The following IK variants were observed in gnomAD, a reference collection of about 807,000 sequenced individuals.
IK encodes protein Red.
In IK, 47 loss-of-function variants were observed where a neutral mutation model predicts 90.9. The ratio of observed to expected loss-of-function variants is 0.52; its 90% CI spans 0.41 to 0.66. The LOEUF (loss-of-function observed/expected upper bound fraction) is 0.66, where lower values mean the gene tolerates loss of function less well. Among genes scored for constraint, IK ranks in the 30% least tolerant of loss-of-function variants. IK has a pLI of 0.00. For synonymous variants in IK, 201 were observed against 227.5 expected (o/e 0.88, Z 1.05); for missense variants, 385 against 709.3 (o/e 0.54, Z 5.19).
rs1002228948 is a variant in IK, at chr5:140,661,515, T to G, written c.1414-105T>G. 7.1e-6 allele frequency: 5 copies of G among 701,304 alleles called. No homozygotes were observed. Among genetic ancestry groups the G allele is most frequent in the Non-Finnish European group, 1.2e-5 (5 of 402,958 alleles). The allele number at this position is 701,304 out of a possible 1,614,324, so 43.4% of individuals were successfully genotyped here. ...ACTTATCAGGGTATGATTTATGAAT[T>G]GTGGAACCTGGGATTATGGGAGAGT... On this transcript the variant is annotated intron_variant, in intron 16 of 19. Coordinates refer to ENST00000417647, the MANE Select transcript of IK (RefSeq NM_006083.4). The surrounding 1 kb of genome is among the most constrained non-coding windows in gnomAD (Gnocchi z 4.2).
At chr5:140,648,167 G>T in intron 1 of IK, 1 of 706,856 alleles carries the variant, frequency 1.4e-6, no homozygotes, top group Non-Finnish European at 2.6e-6. Context: ...GCTTTTGTGC[G>T]TGGATCGCTT....
intron 5 of IK, 36 bp from the exon 6 acceptor site, chr5:140,653,902 C>A: frequency 1.5e-6 from 2 of 1,317,142 alleles, no homozygotes; most frequent in Non-Finnish European, 2.2e-6. Context: ...CACGCCTGGA[C>A]AGTACTGTTC....
Position 140,662,462 on chromosome 5 carries a change from A to G in IK, c.*133A>G. The G allele has an allele frequency of 1.0e-6, 1 of 970,408 alleles. No homozygotes were observed. The highest frequency in any genetic ancestry group is 2.5e-5 in the East Asian group (1 of 40,430). 60.1% of individuals were successfully genotyped at this position (970,408 alleles called of 1,614,324 possible). ...TATTGTGTAATTACTTGGTTCCATT[A>G]AAATTGGTTAACTTGCTATTTTCTT... is the stretch of plus-strand genomic sequence containing the variant. On this transcript the variant is annotated 3_prime_UTR_variant, in exon 20 of 20. Transcript: ENST00000417647.
At chr5:140,651,575 CAAAAA>C (rs35439932) in intron 2 of IK, 134 bp from the exon 3 acceptor site, 6 of 459,422 alleles carry the variant, frequency 1.3e-5, no homozygotes, top group Non-Finnish European at 2.3e-5. Flanking sequence ...GACTCCGTCT[CAAAAA>C]AAAAAAAACA....
intron 15 of IK, 53 bp downstream of exon 15, chr5:140,660,248 G>A: frequency 3.2e-6 from 4 of 1,237,382 alleles, no homozygotes; most frequent in Non-Finnish European, 4.6e-6. Context: ...GAAACAAGTT[G>A]GGGGTGAAAT....
intron 2 of IK, among the ~76,000 whole-genome samples, 162 bp from the exon 3 acceptor site, chr5:140,651,552 T>C (rs1466004223): frequency 6.6e-6 from 1 of 150,982 alleles, no homozygotes; most frequent in African/African-American, 2.4e-5. Flanking sequence ...CTGGCCAATA[T>C]GGGTGACAGT....
chr5:140,650,554 G>C (rs1757598189), intron 2 of IK, among the ~76,000 whole-genome samples: 2 of 152,226 alleles, frequency 1.3e-5, no homozygotes, highest in South Asian at 4.2e-4. Context: ...TAAACGCTTA[G>C]TCTGTTTCAG....
intron 9 of IK, among the ~76,000 whole-genome samples, chr5:140,656,703 A>C (rs1757716932): frequency 6.6e-6 from 1 of 152,230 alleles, no homozygotes; most frequent in Non-Finnish European, 1.5e-5. Flanking sequence ...CATATAATGC[A>C]TAATAATCAC....
At chr5:140,649,189 T>TTTTTC (rs1284572270) in intron 2 of IK, among the ~76,000 whole-genome samples, 9 of 141,300 alleles carry the variant, frequency 6.4e-5, no homozygotes, top group Admixed American at 2.9e-4. Context: ...TTTCTTTTTT[T>TTTTTC]TTTTCTTTTC....
chr5:140,653,644 G>C (rs1451705901), intron 5 of IK, among the ~76,000 whole-genome samples: 1 of 104,014 alleles, frequency 9.6e-6, no homozygotes, highest in Non-Finnish European at 1.8e-5. Flanking sequence ...TGCTCTTGTT[G>C]CCCAGGCTGG....
At chr5:140,657,926 A>AT (rs957763944) in intron 10 of IK, among the ~76,000 whole-genome samples, 1 of 152,142 alleles carries the variant, frequency 6.6e-6, no homozygotes, top group African/African-American at 2.4e-5. Context: ...TTTAAAAGAG[A>AT]TTTTTTGGTG....
In IK at chr5:140,655,883, T is replaced by C. The variant is rs779907524; in HGVS notation, c.692T>C (p.Leu231Ser). ...AGCAAAGCATATGAGCGGAATGAGT[T>C]GTTCCTGCCGGGCCGCATGGCCTAT... ...FKSKAYERNE[L>S]FLPGRMAYVV... Residue 231 changes from leucine to serine, a missense_variant, in exon 9 of 20, where the codon TTG (leucine) becomes TCG (serine). Coordinates refer to ENST00000417647, the MANE Select transcript of IK (RefSeq NM_006083.4). 4 of 1,606,366 alleles carry C rather than the reference T, an allele frequency of 2.5e-6. No individual in the cohort carries two copies. The South Asian group carries it at 4.5e-5, about 18-fold the overall frequency.
At chr5:140,649,046 A>G in intron 2 of IK, 1 of 163,162 alleles carries the variant, frequency 6.1e-6, no homozygotes, top group South Asian at 1.3e-4. Context: ...CATGTTGATC[A>G]GGCTGGTCTT....
chr5:140,654,760 TTC>T (rs759805188), intron 8 of IK, 33 bp downstream of exon 8: 6 of 1,378,276 alleles, frequency 4.4e-6, no homozygotes, highest in Non-Finnish European at 6.1e-6. Context: ...TGACTATGCA[TTC>T]TGGATGAATT....
intron 6 of IK, 22 bp downstream of exon 6, chr5:140,654,074 G>T: frequency 7.2e-7 from 1 of 1,381,110 alleles, no homozygotes; most frequent in South Asian, 1.2e-5. Context: ...TGGTCAGGTG[G>T]GGAGTAATAC....
Position 140,659,154 on chromosome 5 carries a change from T to C in IK, c.1166T>C (p.Val389Ala). The C allele has an allele frequency of 6.3e-7, 1 of 1,588,844 alleles. No individual in the cohort carries two copies. Among genetic ancestry groups the C allele is most frequent in the Non-Finnish European group, 8.6e-7 (1 of 1,167,234 alleles). ...CACAGCTACTTTGAGAAGCCAAAAG[T>C]AGATGATGAGGTGAGATGTGGGCCC... The part of the protein sequence containing the change: ...KRHSYFEKPK[V>A]DDEPMDVDKG... The change falls in exon 12 of 20, where the codon GTA becomes GCA. Residue 389 changes from valine to alanine, a missense_variant. Physicochemically the swap from Val to Ala is moderately conservative, Grantham distance 64. Around this residue, in one of 8 missense-constraint regions of IK, gnomAD observed 139 missense variants for 172.0 expected, o/e 0.81. Coordinates refer to ENST00000417647, the MANE Select transcript of IK (RefSeq NM_006083.4).
At chr5:140,648,199 C>T (rs1259801938) in intron 1 of IK, 6 of 704,340 alleles carry the variant, frequency 8.5e-6, no homozygotes, top group African/African-American at 3.5e-5. Flanking sequence ...TGTCCCCATA[C>T]TTAATCCTGG....
chr5:140,660,654 G>A (rs1581485910), intron 15 of IK, 104 bp from the exon 16 acceptor site: 11 of 836,762 alleles, frequency 1.3e-5, no homozygotes, highest in South Asian at 9.0e-5. Context: ...GGGAGGTCTA[G>A]GGGGTGGTCA....
chr5:140,654,139 A>G (rs1320662576), intron 6 of IK, 87 bp downstream of exon 6: 7 of 774,388 alleles, frequency 9.0e-6, no homozygotes, highest in Non-Finnish European at 1.1e-5. Flanking sequence ...GAGATTCCTG[A>G]GAGTTCAGAC....
Sources: allele counts gnomAD v4.1 joint callset (sites outside exome capture counted in the v4.1 genomes callset), GRCh38; gene constraint gnomAD v4.1.1; regional missense constraint gnomAD v4.1.1; non-coding constraint Gnocchi (gnomAD v3.1); transcripts MANE v1.5; gene names NCBI Gene and HGNC (gene_info 2026-07-23, HGNC 2026-07-21).